The following CEP164 variants were observed in gnomAD, a reference collection of about 807,000 sequenced individuals.
The protein encoded by CEP164 is centrosomal protein 164, also known as centrosomal protein of 164 kDa.
CEP164 carries 162 observed loss-of-function variants against 182.7 expected under a neutral mutation model. The observed-to-expected ratio is 0.89, with a 90% confidence interval of 0.78 to 1.01. The LOEUF is 1.01. CEP164 is among the 50% of genes least tolerant of loss of function. The pLI is 0.00. For synonymous variants in CEP164, 661 were observed against 690.0 expected (o/e 0.96, Z 0.66); for missense variants, 1,735 against 1,790.4 (o/e 0.97, Z 0.56).
upstream of CEP164, chr11:117,323,840 G>T: frequency 2.4e-6 from 1 of 408,712 alleles, no homozygotes; most frequent in Non-Finnish European, 5.0e-6. Flanking sequence ...TTCCCTCATG[G>T]TTAGTAACGT....
chr11:117,409,407 C>G lies in CEP164; in HGVS notation c.3749-211C>G. 1 of 594,954 alleles carries G rather than the reference C, an allele frequency of 1.7e-6. No individual in the cohort carries two copies. Among genetic ancestry groups the G allele is most frequent in the Non-Finnish European group, 2.9e-6 (1 of 339,210 alleles). 36.9% of individuals were successfully genotyped at this position (594,954 alleles called of 1,614,324 possible). ...TGGGCCCTTCACCCAGCACCTTGCC[C>G]TGGAAACCTGTTTCTCATGGCCAGC... On this transcript the variant is annotated intron_variant, in intron 29 of 32. Transcript: ENST00000278935. This position sits in a 1 kb window ranked among gnomAD's most constrained non-coding sequence, Gnocchi z 4.4.
chr11:117,338,493 C>G, intron 2 of CEP164, 73 bp from the exon 3 acceptor site: 4 of 1,105,662 alleles, frequency 3.6e-6, no homozygotes, highest in Non-Finnish European at 5.5e-6. Context: ...TGCTCCATGA[C>G]CCAGTGCCAA....
chr11:117,362,886 G>A (rs1372007221), intron 7 of CEP164, among the ~76,000 whole-genome samples: 4 of 152,072 alleles, frequency 2.6e-5, no homozygotes, highest in African/African-American at 9.7e-5. Flanking sequence ...CCTATTCTAG[G>A]TACTTCATAT....
chr11:117,394,503 C>T lies in CEP164; in HGVS notation c.2760+10C>T, dbSNP rs1441985433. 24 of 1,613,060 alleles carry T rather than the reference C, an allele frequency of 1.5e-5. No homozygotes were observed. The highest frequency in any genetic ancestry group is 1.9e-5 in the Non-Finnish European group (23 of 1,179,902). On this transcript the variant is annotated intron_variant, in intron 21 of 32. Transcript: ENST00000278935. This position sits in a 1 kb window ranked among gnomAD's most constrained non-coding sequence, Gnocchi z 4.0. The stretch of plus-strand genomic sequence containing the variant: ...CCGGCACAGGGAGCAGGTGAGGGGC[C>T]TGGGGCAGGGTGAGCCCACTGTGAC...
intron 5 of CEP164, among the ~76,000 whole-genome samples, chr11:117,354,295 G>C (rs919907895): frequency 6.6e-6 from 1 of 152,110 alleles, no homozygotes; most frequent in Admixed American, 6.5e-5. Flanking sequence ...TGGGATTACA[G>C]GTGTGAGCCA....
chr11:117,341,350 G>A (rs2038087522), intron 3 of CEP164, among the ~76,000 whole-genome samples: 2 of 151,948 alleles, frequency 1.3e-5, no homozygotes, highest in South Asian at 2.1e-4. Context: ...TAGTCCCCCC[G>A]CATCCCCAGT....
At chr11:117,404,986 T>C (rs1037142254) in intron 27 of CEP164, among the ~76,000 whole-genome samples, 3 of 152,162 alleles carry the variant, frequency 2.0e-5, no homozygotes, top group Non-Finnish European at 4.4e-5. Context: ...CAAGCCTTAG[T>C]AATGGCAGAT....
chr11:117,355,092 A>G, intron 5 of CEP164: 1 of 1,289,804 alleles, frequency 7.8e-7, no homozygotes. Flanking sequence ...ATGCTGGGTG[A>G]CACTCCCTGG....
chr11:117,331,675 A>T (rs2036224755), intron 1 of CEP164, among the ~76,000 whole-genome samples: 1 of 151,852 alleles, frequency 6.6e-6, no homozygotes. Flanking sequence ...AAGCACAGAG[A>T]GGAAAATTTT....
chr11:117,389,429 C>A (rs542779848), intron 15 of CEP164, among the ~76,000 whole-genome samples: 1 of 152,268 alleles, frequency 6.6e-6, no homozygotes, highest in East Asian at 1.9e-4. Context: ...TTATTAAGCA[C>A]CTACTTTATG....
intron 11 of CEP164, among the ~76,000 whole-genome samples, chr11:117,376,131 C>T (rs2042713968): frequency 6.6e-6 from 1 of 152,192 alleles, no homozygotes; most frequent in African/African-American, 2.4e-5. Flanking sequence ...ACATGCCCAG[C>T]CCACCTGCTG....
chr11:117,336,589 G>A (rs777431237), intron 2 of CEP164: 1 of 1,482,560 alleles, frequency 6.7e-7, no homozygotes, highest in Non-Finnish European at 9.4e-7. Context: ...AGTGTTGGGG[G>A]ATATGGATTT....
At chr11:117,334,866 C>G (rs569574851) in intron 1 of CEP164, among the ~76,000 whole-genome samples, 1 of 151,924 alleles carries the variant, frequency 6.6e-6, no homozygotes, top group Non-Finnish European at 1.5e-5. Flanking sequence ...CAGAGACTAC[C>G]TGTCCTGTGC....
intron 5 of CEP164, chr11:117,356,485 C>A: frequency 1.6e-6 from 2 of 1,286,938 alleles, no homozygotes; most frequent in South Asian, 2.5e-5. Context: ...TGGCCCTCGC[C>A]CCTGCTTGGC....
intron 12 of CEP164, 86 bp from the exon 13 acceptor site, chr11:117,381,615 C>T: frequency 1.4e-6 from 2 of 1,448,434 alleles, no homozygotes; most frequent in Non-Finnish European, 1.8e-6. Context: ...AGGCAATGAC[C>T]TAGGTCCACA....
intron 8 of CEP164, among the ~76,000 whole-genome samples, chr11:117,364,953 A>T (rs892706804): frequency 6.6e-6 from 1 of 152,198 alleles, no homozygotes; most frequent in Non-Finnish European, 1.5e-5. Flanking sequence ...TCAAGCTGAT[A>T]TAGGTCTGCT....
chr11:117,400,011 T>C (rs1208904519), intron 27 of CEP164, among the ~76,000 whole-genome samples: 3 of 152,244 alleles, frequency 2.0e-5, no homozygotes, highest in African/African-American at 7.2e-5. Context: ...TTTGTCAATT[T>C]TGGCTTTTGT....
intron 25 of CEP164, among the ~76,000 whole-genome samples, 168 bp from the exon 26 acceptor site, chr11:117,396,382 C>T (rs1239704380): frequency 6.6e-6 from 1 of 152,186 alleles, no homozygotes. Flanking sequence ...TTCTTATTCC[C>T]AGCTACCAGT....
rs542808777 is a variant in CEP164, at chr11:117,403,168, A to G, written c.3502-4757A>G. Among the ~76,000 whole-genome samples the G allele has an allele frequency of 2.0e-5, 3 of 152,222 alleles. No individual in the cohort carries two copies. In the East Asian group the frequency reaches 5.8e-4, roughly 29 times the overall value. ...TAATTGGGGCGTTTAGCCTGTTTAC[A>G]TTCAAGGCTAATATTGTTATGTGTG... is the stretch of plus-strand genomic sequence containing the variant. On this transcript the variant is annotated intron_variant, in intron 27 of 32. Transcript: ENST00000278935.
Sources: gnomAD v4.1 joint callset for allele counts (sites outside exome capture counted in the v4.1 genomes callset) on GRCh38, gnomAD v4.1.1 for gene constraint, Gnocchi (gnomAD v3.1) non-coding constraint, MANE v1.5 for transcripts, NCBI Gene and HGNC (gene_info 2026-07-23, HGNC 2026-07-21) for gene names.